GSPT1: variants seen among roughly 807,000 people sequenced by gnomAD.
GSPT1 encodes eukaryotic peptide chain release factor GTP-binding subunit ERF3A.
A neutral mutation model predicts 72.5 loss-of-function variants in GSPT1; 20 were observed. The observed-to-expected ratio is 0.28, with a 90% confidence interval of 0.19 to 0.40. GSPT1 has a LOEUF of 0.40. Among genes scored for constraint, GSPT1 ranks in the 10% least tolerant of loss-of-function variants. The pLI is 1.00. For synonymous variants in GSPT1, 334 were observed against 293.5 expected, an observed-to-expected ratio of 1.14 and a Z score of -1.41; for missense variants, 580 against 811.9, an observed-to-expected ratio of 0.71 and a Z score of 3.47.
chr16:11,894,451 T>G (rs1378399649), intron 5 of GSPT1, among the ~76,000 whole-genome samples: 1 of 152,148 alleles, frequency 6.6e-6, no homozygotes, highest in African/African-American at 2.4e-5. Context: ...TTTAAGGAGC[T>G]GATGAATGAG....
intron 1 of GSPT1, among the ~76,000 whole-genome samples, chr16:11,904,352 G>A (rs941725192): frequency 2.6e-5 from 4 of 152,020 alleles, no homozygotes; most frequent in Admixed American, 6.6e-5. Context: ...ACAGGCGCGC[G>A]CCACCACGCC....
chr16:11,915,250 C>T (rs1016132395), intron 1 of GSPT1, 119 bp downstream of exon 1: 4 of 1,176,744 alleles, frequency 3.4e-6, no homozygotes, highest in African/African-American at 1.6e-5. Flanking sequence ...GCAGACGGCG[C>T]CACTGTCAGC....
chr16:11,899,294 C>T (rs1157629490), intron 1 of GSPT1, among the ~76,000 whole-genome samples: 1 of 152,140 alleles, frequency 6.6e-6, no homozygotes, highest in African/African-American at 2.4e-5. Flanking sequence ...AAGTAATTTC[C>T]TGTCCCTGAT....
At chr16:11,901,280 C>T (rs1046071968) in intron 1 of GSPT1, among the ~76,000 whole-genome samples, 1 of 152,182 alleles carries the variant, frequency 6.6e-6, no homozygotes, top group African/African-American at 2.4e-5. Context: ...TTACTGGCTA[C>T]TAATGAGCCT....
intron 10 of GSPT1, 79 bp from the exon 11 acceptor site, chr16:11,883,174 A>G (rs2054142971): frequency 1.2e-6 from 1 of 831,348 alleles, no homozygotes; most frequent in Non-Finnish European, 2.1e-6. Context: ...GTGAAATTCT[A>G]CACTGCTTAT....
chr16:11,907,002 G>C (rs2054498516), intron 1 of GSPT1, among the ~76,000 whole-genome samples: 1 of 152,102 alleles, frequency 6.6e-6, no homozygotes, highest in Admixed American at 6.6e-5. Context: ...CAATGTGGAT[G>C]GTTTTGCCTT....
At position 11,897,900 on chromosome 16, in the gene GSPT1, T is replaced by C; in HGVS notation, c.395-19A>G. On this transcript the variant is annotated intron_variant, in intron 2 of 14. Transcript: ENST00000434724. ...TTTGAACCTAGACAAGAGATTGAAA[T>C]ATAATATATATTTACCAAACAGTAT... The C allele has an allele frequency of 1.1e-5, 17 of 1,505,664 alleles. No individual in the cohort carries two copies. Among genetic ancestry groups the C allele is most frequent in the Non-Finnish European group, 1.5e-5 (17 of 1,102,492 alleles). The allele number at this position is 1,505,664 out of a possible 1,614,324, so 93.3% of individuals were successfully genotyped here. A position where few individuals can be genotyped will look rare whatever the true frequency, so the allele number is the denominator to read the frequency against.
At chr16:11,879,738 C>CAAAAAAAA (rs1195456490) in intron 11 of GSPT1, among the ~76,000 whole-genome samples, 1 of 84,318 alleles carries the variant, frequency 1.2e-5, no homozygotes, top group Admixed American at 1.2e-4. Context: ...GACTCCGTCT[C>CAAAAAAAA]AAAAAAAAAA....
rs753594316 is a variant in GSPT1 at position 11,915,910 on chromosome 16, G to C, written c.-190C>G. 11 of 839,996 alleles carry C rather than the reference G, an allele frequency of 1.3e-5. No homozygotes were observed. Among genetic ancestry groups the C allele is most frequent in the Non-Finnish European group, 1.8e-5 (9 of 494,136 alleles). 52.0% of individuals were successfully genotyped at this position (839,996 alleles called of 1,614,324 possible). A position where few individuals can be genotyped will look rare whatever the true frequency, so the allele number is the denominator to read the frequency against. ...CGACTCCACACTCGCGACGACGACA[G>C]AGGCGGCGGCGGCGGCAGCTCAACC... On this transcript the variant is annotated 5_prime_UTR_variant, in exon 1 of 15. Transcript: ENST00000434724.
rs564990228 is a variant in GSPT1 at position 11,889,386 on chromosome 16, G to GGA, written c.777-1638_777-1637dup. On this transcript the variant is annotated intron_variant, in intron 6 of 14. Coordinates refer to ENST00000434724, the MANE Select transcript of GSPT1 (RefSeq NM_002094.4). ...ATGGGAGTCTTGCTCTGGCCAGGTT[G>GGA]GAGTGCAGTGGCACCATCTCGGCTC... Among the ~76,000 whole-genome samples the GGA allele has an allele frequency of 7.9e-3, 929 of 118,310 alleles. 10 individuals are homozygous for GGA. Among genetic ancestry groups the GGA allele is most frequent in the African/African-American group, 0.029 (885 of 30,312 alleles). 77.6% of individuals were successfully genotyped at this position (118,310 alleles called of 152,430 possible).
intron 4 of GSPT1, chr16:11,895,587 T>C (rs1331574321): frequency 1.3e-5 from 2 of 152,326 alleles, no homozygotes; most frequent in Non-Finnish European, 2.9e-5. Context: ...TTCAGGTGCT[T>C]TTCCTTTCAC....
intron 5 of GSPT1, among the ~76,000 whole-genome samples, chr16:11,893,023 G>A (rs368312875): frequency 3.5e-4 from 53 of 151,994 alleles, no homozygotes; most frequent in African/African-American, 1.3e-3. Context: ...TTCCCGTACT[G>A]TTTTTGCAAC....
At chr16:11,879,212 T>A (rs1266565485) in intron 11 of GSPT1, among the ~76,000 whole-genome samples, 1 of 139,620 alleles carries the variant, frequency 7.2e-6, no homozygotes, top group Non-Finnish European at 1.5e-5. Flanking sequence ...CTAGCCAAGA[T>A]GGTGAAACCC....
Position 11,890,237 on chromosome 16 carries a change from G to GGCTTAA in GSPT1, c.776+819_776+824dup, listed in dbSNP as rs571543298. On this transcript the variant is annotated intron_variant, in intron 6 of 14. Coordinates refer to ENST00000434724, the MANE Select transcript of GSPT1 (RefSeq NM_002094.4). The stretch of plus-strand genomic sequence containing the variant: ...GGCCTCCCAAAGTGCTGAGATTACA[G>GGCTTAA]GCTTAAGCCACTGTGCCAGGACTAA... 1.2e-4 allele frequency among the ~76,000 whole-genome samples: 18 copies of GGCTTAA among 152,258 alleles called. 1 individual carries two copies. The South Asian group carries it at 3.7e-3, about 32-fold the overall frequency.
rs2053952111 is a variant in GSPT1 at position 11,869,262 on chromosome 16, G to T, written c.*3857C>A. ...CAACTGACTGCTAAATGTAAAGCTA[G>T]TTAAGTCTTTTGTGCATGTGCAATT... is the stretch of plus-strand genomic sequence containing the variant. On this transcript the variant is annotated 3_prime_UTR_variant, in exon 15 of 15. Transcript: ENST00000434724. The T allele has an allele frequency of 1.3e-5, 2 of 152,196 alleles. No individual in the cohort carries two copies. Among genetic ancestry groups the T allele is most frequent in the Admixed American group, 6.5e-5 (1 of 15,282 alleles). 9.4% of individuals were successfully genotyped at this position (152,196 alleles called of 1,614,324 possible).
chr16:11,891,392 C>T (rs1279144749), intron 5 of GSPT1, among the ~76,000 whole-genome samples: 5 of 144,914 alleles, frequency 3.5e-5, no homozygotes, highest in Non-Finnish European at 3.0e-5. Flanking sequence ...GACAGAGTTT[C>T]GCTCTTGTCA....
intron 1 of GSPT1, among the ~76,000 whole-genome samples, chr16:11,906,972 A>C (rs896543754): frequency 2.0e-5 from 3 of 152,248 alleles, no homozygotes; most frequent in Non-Finnish European, 2.9e-5. Flanking sequence ...ACCAGAAAGA[A>C]GTCTACAGAA....
chr16:11,897,630 C>A (rs2054356541), intron 3 of GSPT1, among the ~76,000 whole-genome samples: 1 of 152,154 alleles, frequency 6.6e-6, no homozygotes, highest in African/African-American at 2.4e-5. Flanking sequence ...TTGACTTGAC[C>A]ATTCCTCCAC....
At chr16:11,902,372 G>A (rs1489104618) in intron 1 of GSPT1, among the ~76,000 whole-genome samples, 1 of 121,878 alleles carries the variant, frequency 8.2e-6, no homozygotes, top group African/African-American at 3.3e-5. Context: ...ACACGACTCT[G>A]TCTCAAAAAC....
Sources: gnomAD v4.1 joint callset for allele counts (sites outside exome capture counted in the v4.1 genomes callset) on GRCh38, gnomAD v4.1.1 for gene constraint, MANE v1.5 for transcripts, NCBI Gene and HGNC (gene_info 2026-07-23, HGNC 2026-07-21) for gene names.